The following FAM135B variants were observed in gnomAD, a reference collection of about 807,000 sequenced individuals.
FAM135B encodes the protein family with sequence similarity 135 member B.
Under a neutral mutation model 127.7 loss-of-function variants are expected in FAM135B, and 43 were observed. That is an observed-to-expected ratio of 0.34 (90% CI 0.26 to 0.43). The LOEUF (loss-of-function observed/expected upper bound fraction) is 0.43, where lower values mean the gene tolerates loss of function less well. FAM135B is among the 20% of genes least tolerant of loss of function. The probability of loss-of-function intolerance (pLI) is 1.00; values close to 1 mark genes in which losing one functional copy is unlikely to be tolerated. For missense variants in FAM135B, 1,558 were observed against 1,725.6 expected, an observed-to-expected ratio of 0.90 and a Z score of 1.72; for synonymous variants, 670 against 665.1, an observed-to-expected ratio of 1.01 and a Z score of -0.11.
intron 12 of FAM135B, among the ~76,000 whole-genome samples, chr8:138,163,588 C>A (rs7826014): frequency 0.21 from 32,466 of 151,970 alleles, 3,779 homozygotes; most frequent in South Asian, 0.29. Flanking sequence ...AAGGGAAAAC[C>A]CTTTCACTTG....
At chr8:138,356,041 T>A (rs1830070538) in intron 2 of FAM135B, among the ~76,000 whole-genome samples, 1 of 152,136 alleles carries the variant, frequency 6.6e-6, no homozygotes, top group South Asian at 2.1e-4. Context: ...TTCCACCATG[T>A]GACAGGGCAG....
intron 1 of FAM135B, among the ~76,000 whole-genome samples, chr8:138,456,165 G>A (rs187146543): frequency 2.4e-4 from 36 of 152,250 alleles, no homozygotes; most frequent in Non-Finnish European, 4.0e-4. Flanking sequence ...TGGTTTGAAC[G>A]ACACAATCAC....
chr8:138,222,438 G>A (rs1166355108), intron 7 of FAM135B, among the ~76,000 whole-genome samples: 1 of 152,074 alleles, frequency 6.6e-6, no homozygotes, highest in Non-Finnish European at 1.5e-5. Flanking sequence ...ATAAAGCCAG[G>A]ATATCATCTG....
At chr8:138,410,713 G>A (rs987438614) in intron 1 of FAM135B, among the ~76,000 whole-genome samples, 3 of 152,176 alleles carry the variant, frequency 2.0e-5, no homozygotes, top group Non-Finnish European at 4.4e-5. Context: ...AGCCACTGTG[G>A]AAAGCGGTTG....
At chr8:138,197,758 C>CA in intron 7 of FAM135B, 89 bp from the exon 8 acceptor site, 1 of 1,421,914 alleles carries the variant, frequency 7.0e-7, no homozygotes, top group Non-Finnish European at 9.7e-7. Context: ...CCCGCACCAA[C>CA]ATTCACAAAA....
At chr8:138,146,542 T>C (rs1273880820) in intron 14 of FAM135B, among the ~76,000 whole-genome samples, 3 of 151,878 alleles carry the variant, frequency 2.0e-5, no homozygotes, top group Non-Finnish European at 2.9e-5. Context: ...GTTATCTAAA[T>C]AGAATAGGAC....
chr8:138,376,049 G>A lies in FAM135B; in HGVS notation c.-19-8047C>T, dbSNP rs140510972. Among the ~76,000 whole-genome samples the A allele has an allele frequency of 5.7e-3, 870 of 152,212 alleles. 5 individuals carry two copies. Among genetic ancestry groups the A allele is most frequent in the Non-Finnish European group, 8.8e-3 (596 of 68,010 alleles). On this transcript the variant is annotated intron_variant, in intron 1 of 19. Coordinates refer to ENST00000395297, the MANE Select transcript of FAM135B (RefSeq NM_015912.4). ...CACTCTGTCGCCCAAGCTGGAGTGA[G>A]GTGGCATGATCTCGGCTCACTGCAA...
rs1038154165 is a variant in FAM135B, at chr8:138,242,505, A to G, written c.669+437T>C. On this transcript the variant is annotated intron_variant, in intron 7 of 19. Coordinates refer to ENST00000395297, the MANE Select transcript of FAM135B (RefSeq NM_015912.4). This position sits in a 1 kb window ranked among gnomAD's most constrained non-coding sequence, Gnocchi z 9.6. ...TTTATTACAACATTTGGGTACATAT[A>G]ACACTCCATGAGATTATTAGCTATT... is the stretch of plus-strand genomic sequence containing the variant. 6.6e-6 allele frequency among the ~76,000 whole-genome samples: 1 copy of G among 152,078 alleles called. No homozygotes were observed. The highest frequency in any genetic ancestry group is 1.5e-5 in the Non-Finnish European group (1 of 68,018).
rs140476660 is a variant in FAM135B at position 138,268,431 on chromosome 8, G to A, written c.158-2589C>T. On this transcript the variant is annotated intron_variant, in intron 3 of 19. Transcript: ENST00000395297. ...TCCCGAGGTGACCCATTAAGCCTGG[G>A]ATAAGGCATTTTTCATACCTTAGGA... Among the ~76,000 whole-genome samples the A allele has an allele frequency of 8.5e-5, 13 of 152,248 alleles. No homozygotes were observed. In the East Asian group the frequency reaches 2.5e-3, roughly 29 times the overall value.
intron 3 of FAM135B, among the ~76,000 whole-genome samples, chr8:138,308,689 AT>A (rs1212457026): frequency 6.6e-6 from 1 of 151,570 alleles, no homozygotes; most frequent in Non-Finnish European, 1.5e-5. Flanking sequence ...CTCTTCCCCC[AT>A]TACTCGCTGG....
intron 15 of FAM135B, among the ~76,000 whole-genome samples, 155 bp from the exon 16 acceptor site, chr8:138,143,264 A>C (rs1421695083): frequency 6.6e-6 from 1 of 152,156 alleles, no homozygotes. Context: ...ACTTCAGGAC[A>C]AAAGGCCCAC....
intron 7 of FAM135B, among the ~76,000 whole-genome samples, chr8:138,220,812 C>A (rs1818972913): frequency 6.6e-6 from 1 of 152,116 alleles, no homozygotes; most frequent in Non-Finnish European, 1.5e-5. Flanking sequence ...CAACTAACTG[C>A]ACATATATAA....
intron 2 of FAM135B, among the ~76,000 whole-genome samples, chr8:138,349,828 A>C (rs1297331195): frequency 6.6e-6 from 1 of 152,216 alleles, no homozygotes; most frequent in Admixed American, 6.5e-5. Context: ...TAAGTTCTGC[A>C]GTGAGCCAGA....
intron 7 of FAM135B, among the ~76,000 whole-genome samples, chr8:138,207,490 A>C (rs1016832128): frequency 1.3e-5 from 2 of 152,084 alleles, no homozygotes; most frequent in Admixed American, 6.5e-5. Flanking sequence ...GATTACAGGC[A>C]TGAGTCACCG....
At chr8:138,403,182 A>ACTT (rs1281820502) in intron 1 of FAM135B, among the ~76,000 whole-genome samples, 12 of 152,280 alleles carry the variant, frequency 7.9e-5, no homozygotes, top group African/African-American at 2.9e-4. Context: ...CTCCACAGCA[A>ACTT]AACATACTGA....
intron 1 of FAM135B, among the ~76,000 whole-genome samples, chr8:138,476,156 A>G (rs1814422788): frequency 6.6e-6 from 1 of 152,212 alleles, no homozygotes; most frequent in Non-Finnish European, 1.5e-5. Flanking sequence ...ATATTTTGGA[A>G]AAAGCAAAAC....
intron 7 of FAM135B, among the ~76,000 whole-genome samples, chr8:138,223,543 G>A (rs554731993): frequency 2.6e-4 from 39 of 152,278 alleles, no homozygotes; most frequent in African/African-American, 8.7e-4. Flanking sequence ...GGATCCTGAA[G>A]GGTATCCCAG....
chr8:138,457,519 G>A (rs1474331692), intron 1 of FAM135B, among the ~76,000 whole-genome samples: 1 of 152,174 alleles, frequency 6.6e-6, no homozygotes, highest in East Asian at 1.9e-4. Context: ...TCCCAGTGGT[G>A]ATCCTTGTTT....
chr8:138,494,566 C>A (rs1182750643), intron 1 of FAM135B, among the ~76,000 whole-genome samples: 3 of 152,160 alleles, frequency 2.0e-5, no homozygotes. Context: ...TTATTCTAGG[C>A]AGGGACACCA....
Sources: allele counts gnomAD v4.1 joint callset (sites outside exome capture counted in the v4.1 genomes callset), GRCh38; gene constraint gnomAD v4.1.1; non-coding constraint Gnocchi (gnomAD v3.1); transcripts MANE v1.5; gene names NCBI Gene and HGNC (gene_info 2026-07-23, HGNC 2026-07-21).